CACNA1E: variants seen among roughly 807,000 people sequenced by gnomAD.
The protein encoded by CACNA1E is voltage-dependent R-type calcium channel subunit alpha-1E.
In CACNA1E, 40 loss-of-function variants were observed where a neutral mutation model predicts 259.2. The ratio of observed to expected loss-of-function variants is 0.15; its 90% CI spans 0.12 to 0.20. The LOEUF (loss-of-function observed/expected upper bound fraction) is 0.20. CACNA1E is among the 10% of genes least tolerant of loss of function. CACNA1E has a pLI of 1.00. For synonymous variants in CACNA1E, 1,104 were observed against 1,138.5 expected, an observed-to-expected ratio of 0.97 and a Z score of 0.61; for missense variants, 1,874 against 3,040.1, an observed-to-expected ratio of 0.62 and a Z score of 9.02.
intron 2 of CACNA1E, among the ~76,000 whole-genome samples, chr1:181,460,823 C>G (rs1358616907): frequency 6.6e-6 from 1 of 152,108 alleles, no homozygotes. Flanking sequence ...TTCTGCCAGC[C>G]CTGAGTTTGA....
In CACNA1E at chr1:181,565,886, G is replaced by GT. The variant is rs1013320523; in HGVS notation, c.513-11880_513-11879insT. Among the ~76,000 whole-genome samples the GT allele has an allele frequency of 2.2e-5, 3 of 139,194 alleles. No homozygotes were observed. In the South Asian group the frequency reaches 6.7e-4, roughly 31 times the overall value. The allele number at this position is 139,194 out of a possible 152,430, so 91.3% of individuals were successfully genotyped here. On this transcript the variant is annotated intron_variant, in intron 3 of 47. Coordinates refer to ENST00000367573, the MANE Select transcript of CACNA1E (RefSeq NM_001205293.3). Reference sequence around the variant, plus strand: ...ACAACTGCTTGTTCCTGGTCCTGGGGGGTACCTGCGGAGAGAAAGTGTGTG... The same window carrying GT: ...ACAACTGCTTGTTCCTGGTCCTGGGGTGGTACCTGCGGAGAGAAAGTGTGTG...
intron 16 of CACNA1E, among the ~76,000 whole-genome samples, chr1:181,723,270 A>C (rs1189794365): frequency 6.6e-6 from 1 of 152,160 alleles, no homozygotes; most frequent in African/African-American, 2.4e-5. Flanking sequence ...GGTAGGATTC[A>C]ATTCCAGCCT....
At chr1:181,772,025 G>A in intron 36 of CACNA1E, 41 bp from the exon 37 acceptor site, 1 of 1,592,360 alleles carries the variant, frequency 6.3e-7, no homozygotes, top group Non-Finnish European at 8.6e-7. Flanking sequence ...GATAGGATCT[G>A]CAGAGCTGCT....
intron 6 of CACNA1E, among the ~76,000 whole-genome samples, chr1:181,627,870 A>G (rs1656344472): frequency 6.6e-6 from 1 of 152,084 alleles, no homozygotes. Context: ...CTCCCACCCC[A>G]TGTTATTGGC....
At chr1:181,759,741 C>CATGT (rs1443730294) in intron 32 of CACNA1E, among the ~76,000 whole-genome samples, 2 of 152,176 alleles carry the variant, frequency 1.3e-5, no homozygotes, top group African/African-American at 4.8e-5. Flanking sequence ...TTTCAAATTA[C>CATGT]ATGTGTGTAT....
intron 7 of CACNA1E, among the ~76,000 whole-genome samples, chr1:181,664,271 C>T (rs1273874662): frequency 1.3e-5 from 2 of 152,182 alleles, no homozygotes; most frequent in African/African-American, 4.8e-5. Flanking sequence ...TGCTCAGCTT[C>T]TACTCACAAC....
intron 1 of CACNA1E, among the ~76,000 whole-genome samples, chr1:181,332,186 G>A (rs1651328016): frequency 6.6e-6 from 1 of 152,194 alleles, no homozygotes; most frequent in African/African-American, 2.4e-5. Context: ...GACACATTGA[G>A]GGGAGCAACA....
At position 181,798,580 on chromosome 1, in the gene CACNA1E, G is replaced by C; in HGVS notation, c.6688G>C (p.Glu2230Gln). Residue 2230 changes from glutamate to glutamine, a missense_variant, in exon 48 of 48, where the codon GAG (glutamate) becomes CAG (glutamine). By Grantham distance (29) the Glu-to-Gln change is conservative. Transcript: ENST00000367573. The surrounding 1 kb of genome is among the most constrained non-coding windows in gnomAD (Gnocchi z 4.2). ...QHASPQRYIS[E>Q]PYLALHEDSH... is the part of the protein sequence containing the mutation. The stretch of plus-strand genomic sequence containing the variant: ...TGCCTCCCCACAGCGCTACATCTCC[G>C]AGCCCTACTTGGCCCTGCACGAAGA... 6.2e-7 allele frequency: 1 copy of C among 1,613,484 alleles called. No homozygotes were observed. Among genetic ancestry groups the C allele is most frequent in the Admixed American group, 1.7e-5 (1 of 60,018 alleles).
intron 1 of CACNA1E, among the ~76,000 whole-genome samples, chr1:181,409,441 C>T (rs1020714778): frequency 6.6e-6 from 1 of 152,260 alleles, no homozygotes. Context: ...ACTGTGTGCC[C>T]AAGAAGGGGA....
chr1:181,785,788 C>T lies in CACNA1E; in HGVS notation c.5755C>T (p.Pro1919Ser), dbSNP rs1313427378. 1.5e-5 allele frequency: 24 copies of T among 1,611,614 alleles called. No homozygotes were observed. Among genetic ancestry groups the T allele is most frequent in the Non-Finnish European group, 2.0e-5 (23 of 1,179,204 alleles). The change falls in exon 43 of 48, where the codon CCT (proline) becomes TCT (serine). Residue 1919 changes from proline to serine, a missense_variant. Pro to Ser is a moderately conservative substitution (Grantham distance 74). Transcript: ENST00000367573. ...QEIIANAKAL[P>S]YLQQDPVSGL... Reference sequence around the variant, plus strand: ...GATCATTGCTAATGCCAAAGCCCTGCCTTACCTCCAGCAGGACCCCGTTTC... The same window carrying T: ...GATCATTGCTAATGCCAAAGCCCTGTCTTACCTCCAGCAGGACCCCGTTTC...
intron 40 of CACNA1E, among the ~76,000 whole-genome samples, chr1:181,784,369 C>T (rs1342823443): frequency 6.6e-6 from 1 of 152,188 alleles, no homozygotes; most frequent in East Asian, 1.9e-4. Flanking sequence ...ATTTTCTCCT[C>T]TGATGTATTG....
At chr1:181,651,282 G>A (rs913919274) in intron 6 of CACNA1E, 56 bp from the exon 7 acceptor site, 10 of 1,148,136 alleles carry the variant, frequency 8.7e-6, no homozygotes, top group Non-Finnish European at 1.3e-5. Flanking sequence ...AAGAATGTAA[G>A]CTTTACTTAT....
At chr1:181,682,011 C>G (rs567410326) in intron 7 of CACNA1E, among the ~76,000 whole-genome samples, 1 of 152,298 alleles carries the variant, frequency 6.6e-6, no homozygotes, top group East Asian at 1.9e-4. Context: ...GAGGTCCTTA[C>G]CCTGGCAATG....
chr1:181,441,705 G>A (rs185473118), intron 2 of CACNA1E, among the ~76,000 whole-genome samples: 27 of 152,296 alleles, frequency 1.8e-4, no homozygotes, highest in Non-Finnish European at 3.1e-4. Context: ...ATCAAGCGCC[G>A]CCTCTGCTTT....
chr1:181,494,085 G>A (rs1385015322), intron 1 of CACNA1E, among the ~76,000 whole-genome samples: 1 of 152,058 alleles, frequency 6.6e-6, no homozygotes, highest in Non-Finnish European at 1.5e-5. Context: ...CACTTCCTCT[G>A]TGAAGCCTTC....
chr1:181,399,201 A>G (rs1293314198), intron 1 of CACNA1E, among the ~76,000 whole-genome samples: 2 of 151,260 alleles, frequency 1.3e-5, no homozygotes, highest in Admixed American at 6.6e-5. Context: ...TTTCACAGGG[A>G]AGAAAGTTTA....
At chr1:181,661,379 C>G (rs923758343) in intron 7 of CACNA1E, among the ~76,000 whole-genome samples, 2 of 152,116 alleles carry the variant, frequency 1.3e-5, no homozygotes, top group African/African-American at 4.8e-5. Context: ...AAGGACAGGA[C>G]AGCTCCAGGA....
In CACNA1E at chr1:181,578,943, C is replaced by T. The variant is rs1014886508; in HGVS notation, c.617-129C>T. On this transcript the variant is annotated intron_variant, in intron 4 of 47. Coordinates refer to ENST00000367573, the MANE Select transcript of CACNA1E (RefSeq NM_001205293.3). ...ATTTCCTTTAGGAAAGGAGCACATT[C>T]TAATAAATTTAATCTATCAGAGGCA... 4.2e-6 allele frequency: 3 copies of T among 718,046 alleles called. No homozygotes were observed. The South Asian group carries it at 7.7e-5, about 18-fold the overall frequency. The allele number at this position is 718,046 out of a possible 1,614,324, so 44.5% of individuals were successfully genotyped here.
chr1:181,351,288 C>T (rs550639644), intron 1 of CACNA1E, among the ~76,000 whole-genome samples: 1 of 152,170 alleles, frequency 6.6e-6, no homozygotes, highest in Non-Finnish European at 1.5e-5. Context: ...ACCTCAGCAT[C>T]TAGGGCTGTA....
Sources: allele counts gnomAD v4.1 joint callset (sites outside exome capture counted in the v4.1 genomes callset), GRCh38; gene constraint gnomAD v4.1.1; non-coding constraint Gnocchi (gnomAD v3.1); transcripts MANE v1.5; gene names NCBI Gene and HGNC (gene_info 2026-07-23, HGNC 2026-07-21).